The following CACNA1A variants were observed in gnomAD, a reference collection of about 807,000 sequenced individuals.
CACNA1A encodes calcium voltage-gated channel subunit alpha1 A.
Under a neutral mutation model 262.4 loss-of-function variants are expected in CACNA1A, and 57 were observed. That is an observed-to-expected ratio of 0.22 (90% CI 0.18 to 0.27). The LOEUF (loss-of-function observed/expected upper bound fraction) is 0.27. CACNA1A is among the 10% of genes least tolerant of loss of function. CACNA1A has a pLI of 1.00. For missense variants in CACNA1A, 2,526 were observed against 3,562.8 expected (o/e 0.71, Z 7.41); for synonymous variants, 1,431 against 1,419.3 (o/e 1.01, Z -0.18).
At chr19:13,498,563 TGCTCCCAGTCTGAACGGCAGATAA>T (rs1324888119) in intron 1 of CACNA1A, among the ~76,000 whole-genome samples, 4 of 152,114 alleles carry the variant, frequency 2.6e-5, no homozygotes, top group African/African-American at 9.7e-5. Flanking sequence ...GACTCACGGC[TGCTCCCAGTCTGAACGGCAGATAA>T]AGCCGTGTCT....
intron 19 of CACNA1A, among the ~76,000 whole-genome samples, chr19:13,293,058 G>C (rs981405752): frequency 2.6e-5 from 4 of 152,178 alleles, no homozygotes; most frequent in Non-Finnish European, 5.9e-5. Context: ...CTCTGAAGAA[G>C]AGAGGGAGCA....
At chr19:13,433,185 C>T (rs923082442) in intron 3 of CACNA1A, among the ~76,000 whole-genome samples, 10 of 150,546 alleles carry the variant, frequency 6.6e-5, no homozygotes, top group Admixed American at 1.3e-4. Flanking sequence ...CCCAGCTACT[C>T]GAGAGGCTGA....
chr19:13,444,797 G>A (rs1387515761), intron 3 of CACNA1A, among the ~76,000 whole-genome samples: 1 of 152,076 alleles, frequency 6.6e-6, no homozygotes, highest in Non-Finnish European at 1.5e-5. Flanking sequence ...ACTTGTTTGT[G>A]AGTAAAACAG....
chr19:13,427,884 A>G (rs2060433176), intron 3 of CACNA1A, among the ~76,000 whole-genome samples: 3 of 152,274 alleles, frequency 2.0e-5, no homozygotes, highest in Non-Finnish European at 4.4e-5. Flanking sequence ...ACCTTTGGAC[A>G]GTTACTTAAC....
intron 17 of CACNA1A, among the ~76,000 whole-genome samples, chr19:13,301,193 T>G (rs1466299327): frequency 3.3e-5 from 5 of 151,368 alleles, no homozygotes; most frequent in African/African-American, 1.2e-4. Flanking sequence ...TGGCCTCAAA[T>G]GATCCTCCCA....
intron 3 of CACNA1A, among the ~76,000 whole-genome samples, chr19:13,395,670 A>C (rs1256268064): frequency 6.6e-6 from 1 of 152,162 alleles, no homozygotes. Flanking sequence ...ACCGTAGGTT[A>C]TAAGGATCCC....
chr19:13,303,669 G>C (rs2057838207), intron 16 of CACNA1A, 56 bp from the exon 17 acceptor site: 1 of 1,579,036 alleles, frequency 6.3e-7, no homozygotes, highest in Non-Finnish European at 8.7e-7. Context: ...CTTGGGCCCT[G>C]GGTATCTGGG....
In CACNA1A at chr19:13,241,348, G is replaced by A. The variant is rs1216352745; in HGVS notation, c.4950+3834C>T. ...GAGAGACAGAGTCTACAGGAAGTGG[G>A]AGGCACAGGGGCTGGGGGCGGGAGG... On this transcript the variant is annotated intron_variant, in intron 31 of 46. Coordinates refer to ENST00000360228, the MANE Select transcript of CACNA1A (RefSeq NM_001127222.2). The surrounding 1 kb of genome is among the most constrained non-coding windows in gnomAD (Gnocchi z 4.0). Among the ~76,000 whole-genome samples the A allele has an allele frequency of 6.6e-6, 1 of 152,202 alleles. No individual in the cohort carries two copies. Among genetic ancestry groups the A allele is most frequent in the Non-Finnish European group, 1.5e-5 (1 of 68,036 alleles).
intron 22 of CACNA1A, among the ~76,000 whole-genome samples, chr19:13,281,713 C>T (rs2057296115): frequency 1.3e-5 from 2 of 152,060 alleles, no homozygotes; most frequent in Non-Finnish European, 2.9e-5. Context: ...CCGCGTGGGG[C>T]GTTTTTGTTC....
chr19:13,386,266 G>C (rs1407055787), intron 3 of CACNA1A, among the ~76,000 whole-genome samples: 3 of 152,090 alleles, frequency 2.0e-5, no homozygotes, highest in Admixed American at 6.6e-5. Flanking sequence ...GGCAGAAAAT[G>C]CCTAATAGTC....
At chr19:13,477,216 C>T (rs1978654593) in intron 1 of CACNA1A, among the ~76,000 whole-genome samples, 1 of 152,218 alleles carries the variant, frequency 6.6e-6, no homozygotes, top group South Asian at 2.1e-4. Flanking sequence ...GTCTTGGCTC[C>T]AATGCCATCG....
At chr19:13,222,318 A>G (rs1331284014) in intron 38 of CACNA1A, among the ~76,000 whole-genome samples, 1 of 151,544 alleles carries the variant, frequency 6.6e-6, no homozygotes, top group Non-Finnish European at 1.5e-5. Flanking sequence ...CTCAGATTAC[A>G]GGCGTGAACC....
At position 13,212,827 on chromosome 19, in the gene CACNA1A, T is replaced by TACACAC. The variant is rs61178346; in HGVS notation, c.5941-93_5941-88dup. 0.16 allele frequency: 83,480 copies of TACACAC among 515,526 alleles called. 3,271 individuals carry two copies. Among genetic ancestry groups the TACACAC allele is most frequent in the Non-Finnish European group, 0.18 (53,446 of 294,442 alleles). 31.9% of individuals were successfully genotyped at this position (515,526 alleles called of 1,614,324 possible). A position where few individuals can be genotyped will look rare whatever the true frequency, so the allele number is the denominator to read the frequency against. On this transcript the variant is annotated intron_variant, in intron 40 of 46. Coordinates refer to ENST00000360228, the MANE Select transcript of CACNA1A (RefSeq NM_001127222.2). The surrounding 1 kb of genome is among the most constrained non-coding windows in gnomAD (Gnocchi z 5.6). ...AGAAGGCATTGCGACATCCCCAGTA[T>TACACAC]ACACACACACACACACACACACTCT...
intron 38 of CACNA1A, among the ~76,000 whole-genome samples, chr19:13,221,054 T>G (rs1173939550): frequency 6.6e-6 from 1 of 150,390 alleles, no homozygotes; most frequent in Non-Finnish European, 1.5e-5. Flanking sequence ...TCTTCCTCCC[T>G]TCTTTCCCTC....
intron 3 of CACNA1A, among the ~76,000 whole-genome samples, chr19:13,380,655 A>AG (rs2059506010): frequency 6.6e-6 from 1 of 150,888 alleles, no homozygotes; most frequent in African/African-American, 2.4e-5. Context: ...CAAAAAAAAA[A>AG]AAAAAAAAAA....
chr19:13,379,033 T>C lies in CACNA1A; in HGVS notation c.540-7254A>G, dbSNP rs567614172. ...TCTCACTCTGTCCCCCAGGCTAGAG[T>C]GCAGTGGTGTGATCACAGCTCACTG... On this transcript the variant is annotated intron_variant, in intron 3 of 46. Transcript: ENST00000360228. Among the ~76,000 whole-genome samples, 183 of 149,498 alleles carry C rather than the reference T, an allele frequency of 1.2e-3. 1 individual carries two copies. Among genetic ancestry groups the C allele is most frequent in the African/African-American group, 3.9e-3 (158 of 40,552 alleles).
chr19:13,326,842 C>T (rs1013745737), intron 10 of CACNA1A, among the ~76,000 whole-genome samples: 2 of 149,538 alleles, frequency 1.3e-5, no homozygotes, highest in Admixed American at 6.7e-5. Flanking sequence ...AACGTGAACG[C>T]AAATACCACA....
At chr19:13,243,093 TG>T (rs1389452584) in intron 31 of CACNA1A, among the ~76,000 whole-genome samples, 1 of 152,186 alleles carries the variant, frequency 6.6e-6, no homozygotes, top group African/African-American at 2.4e-5. Context: ...AAAGGGACAT[TG>T]GTTCAAGGCT....
chr19:13,442,624 A>C (rs1287935416), intron 3 of CACNA1A, among the ~76,000 whole-genome samples: 1 of 152,180 alleles, frequency 6.6e-6, no homozygotes. Flanking sequence ...GGAGCTAGGC[A>C]CTAGTTTTAC....
Sources: gnomAD v4.1 joint callset for allele counts (sites outside exome capture counted in the v4.1 genomes callset) on GRCh38, gnomAD v4.1.1 for gene constraint, Gnocchi (gnomAD v3.1) non-coding constraint, MANE v1.5 for transcripts, NCBI Gene and HGNC (gene_info 2026-07-23, HGNC 2026-07-21) for gene names.